SNHG17: variants seen among roughly 807,000 people sequenced by gnomAD.
SNHG17 encodes the protein small nucleolar RNA host gene 17.
At chr20:38,427,454 C>T (rs2084269581) in intron 3 of SNHG17, 1 of 511,658 alleles carries the variant, frequency 2.0e-6, no homozygotes, top group South Asian at 1.4e-5. Context: ...CAGAAACAGA[C>T]AGGAGAGCCA....
At chr20:38,434,946 C>T (rs1255824575) in intron 1 of SNHG17, 2 of 1,227,360 alleles carry the variant, frequency 1.6e-6, no homozygotes, top group Non-Finnish European at 2.0e-6. Context: ...TAAGCCTCCC[C>T]GCAGAGTAGC....
At position 38,426,989 on chromosome 20, in the gene SNHG17, T is replaced by TACACACACAC. The variant is rs764575761; in HGVS notation, n.381-487_381-486insGTGTGTGTGT. On this transcript the variant is annotated intron_variant and non_coding_transcript_variant, in intron 3 of 8. Transcript: ENST00000654008. ...ATGCTACCCTATCCTGTCCCCAAGT[T>TACACACACAC]ACACATACACACACACACACACACA... Among the ~76,000 whole-genome samples the TACACACACAC allele has an allele frequency of 4.4e-4, 50 of 112,756 alleles. 3 individuals are homozygous for TACACACACAC. In the East Asian group the frequency reaches 9.4e-3, roughly 21 times the overall value. The allele number at this position is 112,756 out of a possible 152,430, so 74.0% of individuals were successfully genotyped here.
At chr20:38,424,032 C>T (rs1355550162) in intron 5 of SNHG17, among the ~76,000 whole-genome samples, 4 of 151,910 alleles carry the variant, frequency 2.6e-5, no homozygotes, top group South Asian at 4.2e-4. Context: ...ATTAGCTGGG[C>T]GTGGTGATGC....
intron 2 of SNHG17, among the ~76,000 whole-genome samples, chr20:38,433,214 G>C (rs2084366685): frequency 6.6e-6 from 1 of 152,162 alleles, no homozygotes; most frequent in African/African-American, 2.4e-5. Context: ...GGCCTCAAGT[G>C]ATCCACACTC....
intron 3 of SNHG17, chr20:38,427,272 C>T (rs776928654): frequency 9.1e-5 from 42 of 461,532 alleles, no homozygotes; most frequent in Admixed American, 3.6e-4. Flanking sequence ...AAGCAAGCGC[C>T]GGACTCCTCA....
intron 3 of SNHG17, among the ~76,000 whole-genome samples, chr20:38,426,995 T>TACACACATAC (rs2084259726): frequency 8.0e-6 from 1 of 125,580 alleles, no homozygotes; most frequent in Admixed American, 8.2e-5. Context: ...AAGTTACACA[T>TACACACATAC]ACACACACAC....
intron 3 of SNHG17, chr20:38,427,812 C>T (rs2084275073): frequency 6.5e-6 from 1 of 153,496 alleles, no homozygotes; most frequent in Non-Finnish European, 1.4e-5. Context: ...GACACAGTCT[C>T]TCCGTGCAAA....
At chr20:38,431,492 A>G (rs1207683837) in intron 2 of SNHG17, among the ~76,000 whole-genome samples, 1 of 152,262 alleles carries the variant, frequency 6.6e-6, no homozygotes, top group Non-Finnish European at 1.5e-5. Context: ...AGCAGAGCAC[A>G]GGATGAAGCA....
chr20:38,433,090 T>C (rs1038925543), intron 2 of SNHG17, among the ~76,000 whole-genome samples: 2 of 152,166 alleles, frequency 1.3e-5, no homozygotes, highest in Non-Finnish European at 2.9e-5. Context: ...CTGGTGTGCC[T>C]CAGCCTCCTG....
At chr20:38,433,213 T>C (rs2084366614) in intron 2 of SNHG17, among the ~76,000 whole-genome samples, 2 of 151,876 alleles carry the variant, frequency 1.3e-5, no homozygotes, top group African/African-American at 4.8e-5. Flanking sequence ...TGGCCTCAAG[T>C]GATCCACACT....
At chr20:38,432,232 C>T (rs528311915) in intron 2 of SNHG17, 85 of 893,888 alleles carry the variant, frequency 9.5e-5, no homozygotes, top group East Asian at 2.4e-4. Flanking sequence ...CTCAGCAACA[C>T]GAAGAGTTCA....
At chr20:38,431,714 T>C (rs1445237382) in intron 2 of SNHG17, among the ~76,000 whole-genome samples, 2 of 152,124 alleles carry the variant, frequency 1.3e-5, no homozygotes, top group Non-Finnish European at 2.9e-5. Context: ...TGGTAAAGCG[T>C]TTGGGACCAA....
chr20:38,429,651 C>A, intron 3 of SNHG17: 1 of 485,294 alleles, frequency 2.1e-6, no homozygotes, highest in Non-Finnish European at 4.0e-6. Context: ...CCATCTAAGA[C>A]GTGGTGGGAG....
rs6015015 is a variant in SNHG17, at chr20:38,432,219, G to A, written n.309-1107C>T. The A allele has an allele frequency of 1.5e-3, 1,390 of 954,386 alleles. 14 individuals are homozygous for A. In the African/African-American group the frequency reaches 0.022, roughly 15 times the overall value. 59.1% of individuals were successfully genotyped at this position (954,386 alleles called of 1,614,324 possible). A position where few individuals can be genotyped will look rare whatever the true frequency, so the allele number is the denominator to read the frequency against. On this transcript the variant is annotated intron_variant and non_coding_transcript_variant, in intron 2 of 8. Coordinates refer to ENST00000654008, the Ensembl canonical transcript of SNHG17. ...TTGGCTAGTGTTAACAGTGGTCTACGGTCTCAGCAACACGAAGAGTTCATC... is the reference window on the plus strand; with the variant it reads ...TTGGCTAGTGTTAACAGTGGTCTACAGTCTCAGCAACACGAAGAGTTCATC...
At chr20:38,427,849 T>G (rs1426486828) in intron 3 of SNHG17, 1 of 153,544 alleles carries the variant, frequency 6.5e-6, no homozygotes, top group Non-Finnish European at 1.4e-5. Flanking sequence ...CCTGTTTTCC[T>G]GAAAGTCTGG....
intron 2 of SNHG17, among the ~76,000 whole-genome samples, chr20:38,432,425 T>C (rs1420031172): frequency 6.6e-6 from 1 of 152,174 alleles, no homozygotes; most frequent in Non-Finnish European, 1.5e-5. Context: ...GGATGGCCCA[T>C]CTGTCATCTG....
At position 38,427,121 on chromosome 20, in the gene SNHG17, C is replaced by T. The variant is rs1224086751; in HGVS notation, n.381-618G>A. On this transcript the variant is annotated intron_variant and non_coding_transcript_variant, in intron 3 of 8. Coordinates refer to ENST00000654008, the Ensembl canonical transcript of SNHG17. ...TTATTCGAAACTGTGCTATCCACTG[C>T]GACACACCATGACTCATTACATATC... Among the ~76,000 whole-genome samples, 3 of 139,396 alleles carry T rather than the reference C, an allele frequency of 2.2e-5. 1 individual carries two copies. Among genetic ancestry groups the T allele is most frequent in the Non-Finnish European group, 4.8e-5 (3 of 62,024 alleles). The allele number at this position is 139,396 out of a possible 152,430, so 91.4% of individuals were successfully genotyped here. A position where few individuals can be genotyped will look rare whatever the true frequency, so the allele number is the denominator to read the frequency against.
At chr20:38,427,486 C>T in intron 3 of SNHG17, 1 of 490,224 alleles carries the variant, frequency 2.0e-6, no homozygotes, top group Non-Finnish European at 4.1e-6. Context: ...AGGATGGTGC[C>T]AGGGCCTGTG....
At chr20:38,435,051 C>T in intron 1 of SNHG17, 1 of 1,231,558 alleles carries the variant, frequency 8.1e-7, no homozygotes, top group Non-Finnish European at 1.0e-6. Context: ...CCCGAGGACA[C>T]GCGAATCCTG....
Sources: gnomAD v4.1 joint callset for allele counts (sites outside exome capture counted in the v4.1 genomes callset) on GRCh38, gnomAD v4.1.1 for gene constraint, MANE v1.5 for transcripts, NCBI Gene and HGNC (gene_info 2026-07-23, HGNC 2026-07-21) for gene names.